The following TYW1B variants were observed in gnomAD, a reference collection of about 807,000 sequenced individuals.
The protein encoded by TYW1B is S-adenosyl-L-methionine-dependent tRNA 4-demethylwyosine synthase TYW1B.
A neutral mutation model predicts 86.9 loss-of-function variants in TYW1B; 73 were observed. The observed-to-expected ratio is 0.84, with a 90% confidence interval of 0.70 to 1.02. The LOEUF (loss-of-function observed/expected upper bound fraction) is 1.02. TYW1B is among the 50% of genes least tolerant of loss of function. The pLI is 0.00. For missense variants in TYW1B, 637 were observed against 827.4 expected, an observed-to-expected ratio of 0.77 and a Z score of 2.82; for synonymous variants, 248 against 292.8, an observed-to-expected ratio of 0.85 and a Z score of 1.56.
intron 13 of TYW1B, among the ~76,000 whole-genome samples, chr7:72,605,651 C>G (rs1166486325): frequency 2.0e-5 from 3 of 152,098 alleles, no homozygotes; most frequent in South Asian, 2.1e-4. Flanking sequence ...CGTGCCTGGC[C>G]ACATCTCTGC....
At chr7:72,793,914 T>C (rs1265333012) in intron 6 of TYW1B, among the ~76,000 whole-genome samples, 2 of 152,130 alleles carry the variant, frequency 1.3e-5, no homozygotes, top group Non-Finnish European at 2.9e-5. Flanking sequence ...GAGGGAGCTG[T>C]CAGCCTCTTA....
intron 10 of TYW1B, among the ~76,000 whole-genome samples, chr7:72,704,587 G>GAA (rs56377185): frequency 3.8e-4 from 48 of 127,138 alleles, no homozygotes; most frequent in East Asian, 7.3e-4. Context: ...TGTCTCTGAA[G>GAA]AAAAAAAAAA....
rs1258089866 is a variant in TYW1B at position 72,613,182 on chromosome 7, T to C, written c.1785+3490A>G. Among the ~76,000 whole-genome samples the C allele has an allele frequency of 7.9e-5, 12 of 151,894 alleles. No individual in the cohort carries two copies. In the East Asian group the frequency reaches 1.9e-3, roughly 24 times the overall value. On this transcript the variant is annotated intron_variant, in intron 13 of 13. Transcript: ENST00000620995. ...TGACTACAGAGACTTGAGAAGAAAA[T>C]ATAGTATCTGCCTAGATTAGGGGTT...
At chr7:72,812,139 G>GTTTTGT (rs1788633262) in intron 3 of TYW1B, among the ~76,000 whole-genome samples, 1 of 146,536 alleles carries the variant, frequency 6.8e-6, no homozygotes, top group Non-Finnish European at 1.5e-5. Flanking sequence ...TTTTAGAGGT[G>GTTTTGT]TTTTTTTTTT....
At position 72,593,937 on chromosome 7, in the gene TYW1B, A is replaced by G. The variant is rs377091621; in HGVS notation, c.1786-18218T>C. ...ATATTACCAATGGATCACAGAAGAA[A>G]TCACAAGGGAAATTAGAAAATGCTT... is the stretch of plus-strand genomic sequence containing the variant. On this transcript the variant is annotated intron_variant, in intron 13 of 13. Transcript: ENST00000620995. Among the ~76,000 whole-genome samples the G allele has an allele frequency of 2.2e-3, 333 of 152,014 alleles. 3 individuals carry two copies. Among genetic ancestry groups the G allele is most frequent in the African/African-American group, 7.4e-3 (307 of 41,512 alleles).
intron 6 of TYW1B, among the ~76,000 whole-genome samples, chr7:72,790,865 C>T (rs1317226101): frequency 2.0e-5 from 3 of 152,224 alleles, no homozygotes; most frequent in African/African-American, 7.2e-5. Context: ...GTGCGGTCAC[C>T]TCTCCCTTGA....
At chr7:72,718,963 C>A (rs1320116143) in intron 9 of TYW1B, among the ~76,000 whole-genome samples, 6 of 152,072 alleles carry the variant, frequency 3.9e-5, no homozygotes, top group African/African-American at 1.2e-4. Flanking sequence ...CCTCTCCCAC[C>A]CTCTCCAAGC....
At chr7:72,730,930 CA>C (rs71071907) in intron 8 of TYW1B, among the ~76,000 whole-genome samples, 73,357 of 112,150 alleles carry the variant, frequency 0.65, 22,541 homozygotes, top group Middle Eastern at 0.79. Flanking sequence ...GATTAAATGC[CA>C]AAAAAAAAAA....
At chr7:72,812,692 C>T (rs1351616971) in intron 3 of TYW1B, among the ~76,000 whole-genome samples, 2 of 151,676 alleles carry the variant, frequency 1.3e-5, no homozygotes, top group Admixed American at 6.6e-5. Flanking sequence ...TTGCTTGCTG[C>T]CTTTTGGGGT....
chr7:72,661,667 ATTCCCAAC>A (rs1267817075), intron 11 of TYW1B, among the ~76,000 whole-genome samples: 1 of 151,072 alleles, frequency 6.6e-6, no homozygotes, highest in East Asian at 1.9e-4. Context: ...GATTGCTACA[ATTCCCAAC>A]TTTGATTTAA....
rs1372624163 is a variant in TYW1B at position 72,809,008 on chromosome 7, A to T, written c.432+1463T>A. On this transcript the variant is annotated intron_variant, in intron 4 of 13. Transcript: ENST00000620995. ...ACAGGATGAAAAAGGAGCCAAGTTA[A>T]TTTTTTCCTCCATTTCCCTTGAAAA... Among the ~76,000 whole-genome samples the T allele has an allele frequency of 2.7e-5, 4 of 150,412 alleles. No individual in the cohort carries two copies. The East Asian group carries it at 7.8e-4, about 29-fold the overall frequency.
chr7:72,677,506 G>T (rs1257084311), intron 11 of TYW1B, among the ~76,000 whole-genome samples: 3 of 152,018 alleles, frequency 2.0e-5, no homozygotes, highest in Admixed American at 1.3e-4. Context: ...TGGAACATTT[G>T]TCTCCTGATT....
intron 11 of TYW1B, among the ~76,000 whole-genome samples, chr7:72,680,967 G>C (rs190642050): frequency 1.4e-3 from 213 of 152,208 alleles, no homozygotes; most frequent in Non-Finnish European, 2.1e-3. Flanking sequence ...TGATAGTAGA[G>C]GGCATCATTT....
intron 7 of TYW1B, among the ~76,000 whole-genome samples, chr7:72,753,135 A>T (rs1787529372): frequency 6.6e-6 from 1 of 152,110 alleles, no homozygotes; most frequent in Non-Finnish European, 1.5e-5. Flanking sequence ...AAAAGAAAGA[A>T]GAGCTCGCCT....
intron 2 of TYW1B, among the ~76,000 whole-genome samples, chr7:72,823,831 C>A (rs570939205): frequency 3.2e-4 from 48 of 151,914 alleles, no homozygotes; most frequent in Non-Finnish European, 6.2e-4. Context: ...TCTAGAAACA[C>A]AGCATAAGCA....
chr7:72,744,446 T>C (rs781889635), intron 8 of TYW1B, 38 bp downstream of exon 8: 10 of 1,576,822 alleles, frequency 6.3e-6, no homozygotes, highest in East Asian at 2.2e-5. Flanking sequence ...CACAGCTCAT[T>C]ACATATTCGA....
At chr7:72,708,597 C>T (rs1344380590) in intron 10 of TYW1B, among the ~76,000 whole-genome samples, 3 of 152,168 alleles carry the variant, frequency 2.0e-5, no homozygotes, top group South Asian at 2.1e-4. Context: ...AAATACATGG[C>T]CTCTGTGTCC....
intron 13 of TYW1B, among the ~76,000 whole-genome samples, chr7:72,579,673 T>C (rs140916732): frequency 3.2e-4 from 49 of 152,214 alleles, no homozygotes; most frequent in Admixed American, 4.6e-4. Flanking sequence ...TTTTAAGAGA[T>C]AGGTTCTCAC....
chr7:72,699,055 C>G (rs1554452004), intron 10 of TYW1B, among the ~76,000 whole-genome samples: 2 of 151,996 alleles, frequency 1.3e-5, no homozygotes, highest in Non-Finnish European at 2.9e-5. Context: ...GATGAGAGTC[C>G]CACCACGCAG....
Sources: gnomAD v4.1 joint callset for allele counts (sites outside exome capture counted in the v4.1 genomes callset) on GRCh38, gnomAD v4.1.1 for gene constraint, MANE v1.5 for transcripts, NCBI Gene and HGNC (gene_info 2026-07-23, HGNC 2026-07-21) for gene names.